The following HECW1 variants were observed in gnomAD, a reference collection of about 807,000 sequenced individuals.
HECW1 encodes the protein HECT, C2 and WW domain containing E3 ubiquitin protein ligase 1.
A neutral mutation model predicts 182.3 loss-of-function variants in HECW1; 61 were observed. That is an observed-to-expected ratio of 0.33 (90% CI 0.27 to 0.41). The LOEUF (loss-of-function observed/expected upper bound fraction) is 0.41. Among genes scored for constraint, HECW1 ranks in the 10% least tolerant of loss-of-function variants. HECW1 has a pLI of 1.00. For synonymous variants in HECW1, 859 were observed against 832.6 expected (o/e 1.03, Z -0.55); for missense variants, 1,739 against 2,108.9 (o/e 0.82, Z 3.44).
chr7:43,553,599 G>A (rs1446677618), intron 28 of HECW1, among the ~76,000 whole-genome samples: 3 of 150,106 alleles, frequency 2.0e-5, no homozygotes, highest in Non-Finnish European at 4.4e-5. Context: ...AACCCGGGAG[G>A]CAGAGGTTGC....
chr7:43,441,932 T>C (rs1340901219), intron 9 of HECW1, among the ~76,000 whole-genome samples: 1 of 152,234 alleles, frequency 6.6e-6, no homozygotes, highest in Non-Finnish European at 1.5e-5. Context: ...GACAGTCCGT[T>C]CAACTTAACC....
intron 6 of HECW1, among the ~76,000 whole-genome samples, chr7:43,381,572 T>A (rs1180819940): frequency 6.7e-6 from 1 of 150,044 alleles, no homozygotes; most frequent in Admixed American, 6.8e-5. Flanking sequence ...CACTGCAACC[T>A]CCACCTCCCG....
chr7:43,456,035 A>C (rs76429718), intron 12 of HECW1, among the ~76,000 whole-genome samples: 24,875 of 152,120 alleles, frequency 0.16, 2,558 homozygotes, highest in South Asian at 0.22. Flanking sequence ...TTAGAATTTT[A>C]ACATAGGTGT....
intron 2 of HECW1, chr7:43,240,942 C>G (rs767265511): frequency 6.6e-6 from 1 of 152,400 alleles, no homozygotes; most frequent in Non-Finnish European, 1.5e-5. Flanking sequence ...CCGAGCACTC[C>G]TAGAGGATTT....
At chr7:43,374,383 C>T (rs184778625) in intron 6 of HECW1, among the ~76,000 whole-genome samples, 6 of 152,212 alleles carry the variant, frequency 3.9e-5, no homozygotes, top group African/African-American at 1.4e-4. Context: ...CCAACAGTCA[C>T]AGGTATGTGA....
At position 43,488,320 on chromosome 7, in the gene HECW1, GAAAGAGGAAGGAAGGAAGGA is replaced by G. The variant is rs1221032176; in HGVS notation, c.3235-3753_3235-3734del. Among the ~76,000 whole-genome samples the G allele has an allele frequency of 3.8e-3, 435 of 113,566 alleles. 13 individuals carry two copies. The highest frequency in any genetic ancestry group is 0.015 in the African/African-American group (418 of 28,118). 74.5% of individuals were successfully genotyped at this position (113,566 alleles called of 152,430 possible). ...GTGAGACTCCATCTCAAAAAAGAAA[GAAAGAGGAAGGAAGGAAGGA>G]AGGAAGGAAGGAAGGAAGGAAGGAA... On this transcript the variant is annotated intron_variant, in intron 17 of 29. Transcript: ENST00000395891.
rs1248412141 is a variant in HECW1, at chr7:43,266,089, T to A, written c.27+22157T>A. Among the ~76,000 whole-genome samples, 4 of 152,224 alleles carry A rather than the reference T, an allele frequency of 2.6e-5. No homozygotes were observed. In the South Asian group the frequency reaches 8.3e-4, roughly 32 times the overall value. ...CATTATGTAGGCATGATTGATTAAA[T>A]CACTGGCCATTGATTGTTGGATCAG... On this transcript the variant is annotated intron_variant, in intron 3 of 29. Transcript: ENST00000395891.
chr7:43,127,575 A>G (rs1786415914), intron 2 of HECW1, among the ~76,000 whole-genome samples: 1 of 151,750 alleles, frequency 6.6e-6, no homozygotes, highest in Admixed American at 6.6e-5. Flanking sequence ...TTGCTGATAT[A>G]AAGAAAGTTT....
chr7:43,312,930 A>C (rs1329847111), intron 4 of HECW1, among the ~76,000 whole-genome samples: 1 of 152,282 alleles, frequency 6.6e-6, no homozygotes, highest in Non-Finnish European at 1.5e-5. Flanking sequence ...GGGTCATCCG[A>C]GGCCAGGCCT....
rs996264706 is a variant in HECW1, at chr7:43,394,805, G to A, written c.556-2009G>A. Among the ~76,000 whole-genome samples, 8 of 152,152 alleles carry A rather than the reference G, an allele frequency of 5.3e-5. No individual in the cohort carries two copies. In the East Asian group the frequency reaches 5.8e-4, roughly 11 times the overall value. ...GAGAAAGAGTAATTCATGCAGAGCCGGCTGTGCTGTGCGGGAGACCGGAGT... is the reference window on the plus strand; with the variant it reads ...GAGAAAGAGTAATTCATGCAGAGCCAGCTGTGCTGTGCGGGAGACCGGAGT... On this transcript the variant is annotated intron_variant, in intron 6 of 29. Transcript: ENST00000395891.
intron 17 of HECW1, among the ~76,000 whole-genome samples, chr7:43,490,924 A>C (rs1309350657): frequency 6.6e-6 from 1 of 152,004 alleles, no homozygotes; most frequent in African/African-American, 2.4e-5. Context: ...TGCCTGGCTT[A>C]TTTTTAGATT....
intron 3 of HECW1, among the ~76,000 whole-genome samples, chr7:43,264,657 A>G (rs1801556939): frequency 6.6e-6 from 1 of 152,056 alleles, no homozygotes; most frequent in Non-Finnish European, 1.5e-5. Context: ...CATCCTGGCT[A>G]ACACAGTGAA....
chr7:43,517,900 A>G (rs2080240263), intron 24 of HECW1, among the ~76,000 whole-genome samples: 1 of 152,194 alleles, frequency 6.6e-6, no homozygotes, highest in South Asian at 2.1e-4. Flanking sequence ...TGCCTGTCCT[A>G]TTTCTGAACC....
chr7:43,339,671 A>G (rs1812722389), intron 5 of HECW1, among the ~76,000 whole-genome samples: 2 of 152,156 alleles, frequency 1.3e-5, no homozygotes, highest in South Asian at 2.1e-4. Flanking sequence ...AGGTGATGAC[A>G]TCTTCTCCCA....
intron 3 of HECW1, among the ~76,000 whole-genome samples, chr7:43,309,283 G>T (rs1490179950): frequency 2.6e-5 from 4 of 152,160 alleles, no homozygotes; most frequent in Admixed American, 6.5e-5. Flanking sequence ...GAGGATGTGT[G>T]CAAAGACAGG....
chr7:43,238,486 T>G (rs76320323), intron 2 of HECW1, among the ~76,000 whole-genome samples: 4,787 of 152,282 alleles, frequency 0.031, 244 homozygotes, highest in African/African-American at 0.11. Context: ...ACTGTTCCTC[T>G]AGGGACAAAC....
intron 2 of HECW1, among the ~76,000 whole-genome samples, chr7:43,169,722 G>GC (rs1791490151): frequency 7.8e-6 from 1 of 127,474 alleles, no homozygotes; most frequent in Admixed American, 9.5e-5. Context: ...ACGGAGTCTC[G>GC]CTGTCGCCCA....
chr7:43,154,181 T>C (rs988468202), intron 2 of HECW1, among the ~76,000 whole-genome samples: 2 of 152,224 alleles, frequency 1.3e-5, no homozygotes, highest in Non-Finnish European at 2.9e-5. Context: ...GTAATGTGTT[T>C]ACATGTCTGT....
At chr7:43,422,157 A>G (rs916624292) in intron 8 of HECW1, among the ~76,000 whole-genome samples, 2 of 152,152 alleles carry the variant, frequency 1.3e-5, no homozygotes, top group Admixed American at 1.3e-4. Context: ...TGCCATTAAA[A>G]GTAATGGCCA....
Sources: allele counts gnomAD v4.1 joint callset (sites outside exome capture counted in the v4.1 genomes callset), GRCh38; gene constraint gnomAD v4.1.1; transcripts MANE v1.5; gene names NCBI Gene and HGNC (gene_info 2026-07-23, HGNC 2026-07-21).